The following CELF4 variants were observed in gnomAD, a reference collection of about 807,000 sequenced individuals.
CELF4 encodes the protein CUG-BP- and ETR-3-like factor 4.
CELF4 carries 18 observed loss-of-function variants against 59.9 expected under a neutral mutation model. That is an observed-to-expected ratio of 0.30 (90% CI 0.21 to 0.45). The LOEUF is 0.45. CELF4 is among the 20% of genes least tolerant of loss of function. CELF4 has a pLI of 1.00. For synonymous variants in CELF4, 261 were observed against 267.1 expected (o/e 0.98, Z 0.22); for missense variants, 456 against 689.0 (o/e 0.66, Z 3.79).
intron 1 of CELF4, among the ~76,000 whole-genome samples, chr18:37,518,586 T>A (rs191203040): frequency 5.9e-4 from 90 of 152,226 alleles, no homozygotes; most frequent in Non-Finnish European, 9.0e-4. Flanking sequence ...TTGGATGTCC[T>A]TCTGGCCTCC....
In CELF4 at chr18:37,547,669, C is replaced by T. The variant is rs149251906; in HGVS notation, c.286+17687G>A. ...TGCTGACTTCTAATGAGGATTTGGC[C>T]ACAGACTTTATGGGGCCCCTGTGTT... On this transcript the variant is annotated intron_variant, in intron 1 of 12. Transcript: ENST00000420428. Among the ~76,000 whole-genome samples, 282 of 152,274 alleles carry T rather than the reference C, an allele frequency of 1.9e-3. 1 individual carries two copies. Among genetic ancestry groups the T allele is most frequent in the African/African-American group, 6.6e-3 (273 of 41,532 alleles).
chr18:37,437,668 G>A (rs2099697435), intron 2 of CELF4, among the ~76,000 whole-genome samples: 1 of 152,218 alleles, frequency 6.6e-6, no homozygotes, highest in South Asian at 2.1e-4. Flanking sequence ...GACACATCCA[G>A]GCAGGTGGGC....
intron 2 of CELF4, among the ~76,000 whole-genome samples, chr18:37,374,314 C>T (rs1430903409): frequency 2.6e-5 from 4 of 152,218 alleles, no homozygotes; most frequent in Non-Finnish European, 5.9e-5. Context: ...CTGCCCTTTG[C>T]CAGTGCACAG....
Position 37,501,486 on chromosome 18 carries a change from C to T in CELF4, c.287-15879G>A, listed in dbSNP as rs111236026. 1.1e-3 allele frequency among the ~76,000 whole-genome samples: 165 copies of T among 152,194 alleles called. 4 individuals are homozygous for T. The highest frequency in any genetic ancestry group is 3.1e-4 in the Non-Finnish European group (21 of 68,042). On this transcript the variant is annotated intron_variant, in intron 1 of 12. Transcript: ENST00000420428. ...GTATCTGTTAATTGCTCAGCCCTGG[C>T]CTGGGAAGAGAAGGCAGGGAAATAG...
At chr18:37,280,209 G>T (rs528078814) in intron 3 of CELF4, among the ~76,000 whole-genome samples, 4 of 152,322 alleles carry the variant, frequency 2.6e-5, no homozygotes, top group Admixed American at 2.0e-4. Flanking sequence ...GACAGGAGAA[G>T]CTTCCAGTTC....
rs557476993 is a variant in CELF4, at chr18:37,532,827, C to T, written c.286+32529G>A. Among the ~76,000 whole-genome samples the T allele has an allele frequency of 1.1e-4, 16 of 152,276 alleles. No individual in the cohort carries two copies. In the East Asian group the frequency reaches 2.7e-3, roughly 26 times the overall value. On this transcript the variant is annotated intron_variant, in intron 1 of 12. Coordinates refer to ENST00000420428, the MANE Select transcript of CELF4 (RefSeq NM_020180.4). Reference sequence around the variant, plus strand: ...ACACAAAAGAAAAGAGAAGAGAGAACCTCTCCAAGGAGAAAGTGCTCTTTA... The same window carrying T: ...ACACAAAAGAAAAGAGAAGAGAGAATCTCTCCAAGGAGAAAGTGCTCTTTA...
At position 37,254,176 on chromosome 18, in the gene CELF4, C is replaced by G. The variant is rs1392000108; in HGVS notation, c.1334-238G>C. On this transcript the variant is annotated intron_variant, in intron 11 of 12. Coordinates refer to ENST00000420428, the MANE Select transcript of CELF4 (RefSeq NM_020180.4). This position sits in a 1 kb window ranked among gnomAD's most constrained non-coding sequence, Gnocchi z 5.1. ...CTGACCTGCGCCTAGTCTCTGGCCG[C>G]GTCACTCGCCCGGCGCCCGCTCCCC... Among the ~76,000 whole-genome samples, 2 of 151,056 alleles carry G rather than the reference C, an allele frequency of 1.3e-5. No individual in the cohort carries two copies. The highest frequency in any genetic ancestry group is 3.0e-5 in the Non-Finnish European group (2 of 67,640).
intron 2 of CELF4, among the ~76,000 whole-genome samples, chr18:37,364,277 G>A (rs1007016742): frequency 5.3e-5 from 8 of 152,168 alleles, no homozygotes; most frequent in Non-Finnish European, 1.0e-4. Context: ...CAGACATAAT[G>A]TTCTTGGTTT....
chr18:37,491,175 C>A (rs1185878441), intron 1 of CELF4, among the ~76,000 whole-genome samples: 8 of 134,868 alleles, frequency 5.9e-5, no homozygotes, highest in Non-Finnish European at 1.0e-4. Context: ...GAGAGGGATG[C>A]CGTGCCCACC....
chr18:37,477,364 G>T (rs1266266616), intron 2 of CELF4, among the ~76,000 whole-genome samples: 1 of 152,220 alleles, frequency 6.6e-6, no homozygotes, highest in Non-Finnish European at 1.5e-5. Context: ...AAACTCTCCA[G>T]GCAGAGGGAA....
chr18:37,352,860 CA>C lies in CELF4; in HGVS notation c.370-30980del, dbSNP rs370740914. 2.1e-3 allele frequency among the ~76,000 whole-genome samples: 319 copies of C among 152,188 alleles called. 4 individuals carry two copies. The highest frequency in any genetic ancestry group is 7.5e-3 in the African/African-American group (312 of 41,510). On this transcript the variant is annotated intron_variant, in intron 2 of 12. Transcript: ENST00000420428. ...ATCTGGGGAGACAGACACCAAGGTGCAGAGTGGGACGGGGTGGAACAGCGCC... is the reference window on the plus strand; with the variant it reads ...ATCTGGGGAGACAGACACCAAGGTGCGAGTGGGACGGGGTGGAACAGCGCC...
At chr18:37,250,886 T>C (rs1437739525) in intron 12 of CELF4, among the ~76,000 whole-genome samples, 1 of 152,192 alleles carries the variant, frequency 6.6e-6, no homozygotes, top group African/African-American at 2.4e-5. Flanking sequence ...GTAGGAGTTA[T>C]GTGACATAGT....
chr18:37,390,426 C>T (rs990120396), intron 2 of CELF4, among the ~76,000 whole-genome samples: 10 of 152,138 alleles, frequency 6.6e-5, no homozygotes, highest in South Asian at 2.1e-4. Flanking sequence ...CTCCTCACTC[C>T]GGCTGGAGGG....
intron 10 of CELF4, among the ~76,000 whole-genome samples, chr18:37,260,564 C>T (rs370737037): frequency 2.0e-5 from 3 of 152,266 alleles, no homozygotes; most frequent in African/African-American, 7.2e-5. Flanking sequence ...CAACATGGGC[C>T]GCTGCATGGC....
At chr18:37,321,088 G>T (rs562726422) in intron 3 of CELF4, among the ~76,000 whole-genome samples, 5 of 152,292 alleles carry the variant, frequency 3.3e-5, no homozygotes, top group South Asian at 2.1e-4. Flanking sequence ...GCTGGGATGG[G>T]GGGGGCAGTA....
chr18:37,362,794 G>A (rs2098726426), intron 2 of CELF4, among the ~76,000 whole-genome samples: 1 of 152,118 alleles, frequency 6.6e-6, no homozygotes, highest in African/African-American at 2.4e-5. Context: ...CTGATCTGCT[G>A]CCTTCCAGGG....
At chr18:37,481,309 G>C (rs771308653) in intron 2 of CELF4, among the ~76,000 whole-genome samples, 2 of 151,964 alleles carry the variant, frequency 1.3e-5, no homozygotes, top group Non-Finnish European at 2.9e-5. Context: ...CTGCTTCCTT[G>C]CCTCCTACTG....
At chr18:37,551,153 G>A (rs1004260318) in intron 1 of CELF4, among the ~76,000 whole-genome samples, 2 of 152,096 alleles carry the variant, frequency 1.3e-5, no homozygotes, top group African/African-American at 4.8e-5. Context: ...TCCCTGCAGG[G>A]AACTGAGTTT....
intron 3 of CELF4, among the ~76,000 whole-genome samples, chr18:37,297,950 G>GT (rs2095762883): frequency 1.3e-5 from 2 of 152,256 alleles, no homozygotes; most frequent in African/African-American, 2.4e-5. Context: ...ACTGTTGGGT[G>GT]TTTGGGAAGC....
Sources: gnomAD v4.1 joint callset for allele counts (sites outside exome capture counted in the v4.1 genomes callset) on GRCh38, gnomAD v4.1.1 for gene constraint, Gnocchi (gnomAD v3.1) non-coding constraint, MANE v1.5 for transcripts, NCBI Gene and HGNC (gene_info 2026-07-23, HGNC 2026-07-21) for gene names.